The following HIBCH variants were observed in gnomAD, a reference collection of about 807,000 sequenced individuals.
HIBCH encodes 3-hydroxyisobutyryl-CoA hydrolase, mitochondrial.
HIBCH carries 50 observed loss-of-function variants against 58.2 expected under a neutral mutation model. The observed-to-expected ratio is 0.86, with a 90% confidence interval of 0.68 to 1.09. The LOEUF is 1.09. Ranked by LOEUF, HIBCH falls within the 50% of genes least tolerant of loss-of-function variation. HIBCH has a pLI of 0.00. For synonymous variants in HIBCH, 151 were observed against 146.9 expected (o/e 1.03, Z -0.20); for missense variants, 450 against 449.7 (o/e 1.00, Z -0.01).
chr2:190,191,912 T>G (rs1027061981), intron 1 of HIBCH, among the ~76,000 whole-genome samples: 1 of 152,190 alleles, frequency 6.6e-6, no homozygotes, highest in Non-Finnish European at 1.5e-5. Flanking sequence ...TTGCTGTTTT[T>G]TTTTCAATCT....
At chr2:190,273,491 G>A (rs1687460352) in intron 6 of HIBCH, among the ~76,000 whole-genome samples, 1 of 152,094 alleles carries the variant, frequency 6.6e-6, no homozygotes, top group Non-Finnish European at 1.5e-5. Flanking sequence ...GGGGATGAGA[G>A]GAGATCTACC....
downstream of HIBCH, chr2:190,199,626 T>G: frequency 1.0e-6 from 1 of 956,800 alleles, no homozygotes. Context: ...GAAAGGATTT[T>G]TACATGCCAC....
chr2:190,256,595 T>C (rs1188019815), intron 7 of HIBCH, among the ~76,000 whole-genome samples: 3 of 151,940 alleles, frequency 2.0e-5, no homozygotes, highest in Non-Finnish European at 2.9e-5. Flanking sequence ...GTTTACAATA[T>C]GTACAATTCA....
At chr2:190,257,830 C>A (rs1484117712) in intron 7 of HIBCH, among the ~76,000 whole-genome samples, 1 of 152,128 alleles carries the variant, frequency 6.6e-6, no homozygotes, top group East Asian at 1.9e-4. Context: ...GGGAACTAAC[C>A]TGCAAAAACT....
At chr2:190,267,286 C>T (rs1687269217) in intron 6 of HIBCH, among the ~76,000 whole-genome samples, 1 of 151,978 alleles carries the variant, frequency 6.6e-6, no homozygotes, top group South Asian at 2.1e-4. Flanking sequence ...CTCATTGCAA[C>T]TTCTGTGTCC....
Position 190,231,800 on chromosome 2 carries a change from G to A in HIBCH, c.891+13087C>T, listed in dbSNP as rs187520127. 2.9e-4 allele frequency among the ~76,000 whole-genome samples: 44 copies of A among 152,140 alleles called. No homozygotes were observed. In the East Asian group the frequency reaches 8.1e-3, roughly 28 times the overall value. On this transcript the variant is annotated intron_variant, in intron 11 of 13. Coordinates refer to ENST00000359678, the MANE Select transcript of HIBCH (RefSeq NM_014362.4). ...AAGGAAGAAGGAAATATGACATTAT[G>A]TATACAAATGATGAAAATTCAACCT...
In HIBCH at chr2:190,261,158, A is replaced by G. The variant is rs568457127; in HGVS notation, c.515T>C (p.Ile172Thr). The change falls in exon 7 of 14, where the codon ATA becomes ACA. Residue 172 changes from isoleucine (I) to threonine (T), a missense_variant and splice_region_variant. Transcript: ENST00000359678. ...KCLFAMPETA[I>T]GLFPDVGGGY... ...TAAAAAAAATTCTGGTTGTTTACCT[A>G]TTGCAGTTTCTGGCATAGCAAAAAG... is the stretch of plus-strand genomic sequence containing the variant. 5 of 1,610,164 alleles carry G rather than the reference A, an allele frequency of 3.1e-6. No individual in the cohort carries two copies. In the African/African-American group the frequency reaches 6.7e-5, roughly 22 times the overall value.
rs1388359562 is a variant in HIBCH at position 190,301,888 on chromosome 2, G to A, written c.79-4935C>T. ...TCTTTTATAAGAGTACTAATCCTGT[G>A]ACAGTGGGGTGCTCACGACTTACCA... On this transcript the variant is annotated intron_variant, in intron 2 of 13. Coordinates refer to ENST00000359678, the MANE Select transcript of HIBCH (RefSeq NM_014362.4). 3.9e-5 allele frequency among the ~76,000 whole-genome samples: 6 copies of A among 152,172 alleles called. No homozygotes were observed. In the South Asian group the frequency reaches 6.2e-4, roughly 16 times the overall value.
At chr2:190,257,756 A>T (rs1686967717) in intron 7 of HIBCH, among the ~76,000 whole-genome samples, 1 of 152,108 alleles carries the variant, frequency 6.6e-6, no homozygotes, top group African/African-American at 2.4e-5. Context: ...ATCCCACGGC[A>T]AAAGGCAAGG....
At chr2:190,262,831 A>C (rs1347093876) in intron 6 of HIBCH, among the ~76,000 whole-genome samples, 3 of 152,230 alleles carry the variant, frequency 2.0e-5, no homozygotes, top group Non-Finnish European at 2.9e-5. Flanking sequence ...TAAAGAAAAG[A>C]CATCAAGATT....
chr2:190,220,347 C>G (rs1685681373), intron 11 of HIBCH: 1 of 152,166 alleles, frequency 6.6e-6, no homozygotes, highest in Non-Finnish European at 1.5e-5. Flanking sequence ...ATCCTTAATT[C>G]TGGCAACCAG....
intron 6 of HIBCH, among the ~76,000 whole-genome samples, chr2:190,286,960 TAAA>T (rs1687844293): frequency 6.6e-6 from 1 of 151,632 alleles, no homozygotes; most frequent in African/African-American, 2.4e-5. Context: ...TATTAAAAGA[TAAA>T]AACACAATCA....
rs559265907 is a variant in HIBCH at position 190,254,341 on chromosome 2, A to G, written c.518-2034T>C. ...AAAGGCCACATGAGGACAGAGCAAG[A>G]AGGCAGCAGTCTATTAGCCACAGAG... is the stretch of plus-strand genomic sequence containing the variant. On this transcript the variant is annotated intron_variant, in intron 7 of 13. Coordinates refer to ENST00000359678, the MANE Select transcript of HIBCH (RefSeq NM_014362.4). The surrounding 1 kb of genome is among the most constrained non-coding windows in gnomAD (Gnocchi z 5.0). 3.3e-5 allele frequency among the ~76,000 whole-genome samples: 5 copies of G among 152,290 alleles called. No individual in the cohort carries two copies. Among genetic ancestry groups the G allele is most frequent in the African/African-American group, 9.6e-5 (4 of 41,564 alleles).
chr2:190,272,595 T>C (rs182327055), intron 6 of HIBCH, among the ~76,000 whole-genome samples: 1 of 151,310 alleles, frequency 6.6e-6, no homozygotes, highest in Admixed American at 6.6e-5. Flanking sequence ...GGTTTCATAT[T>C]ACAAATGAAA....
chr2:190,208,864 C>T lies in HIBCH; in HGVS notation c.1045+16G>A, dbSNP rs772198773. On this transcript the variant is annotated intron_variant, in intron 13 of 13. Coordinates refer to ENST00000359678, the MANE Select transcript of HIBCH (RefSeq NM_014362.4). ...TCCCATTTCCCCAAAATGGTAAGTT[C>T]CCATTTGCCACTTACCAGCTCTAAC... 73 of 1,608,734 alleles carry T rather than the reference C, an allele frequency of 4.5e-5. No individual in the cohort carries two copies. Among genetic ancestry groups the T allele is most frequent in the South Asian group, 4.3e-4 (39 of 90,916 alleles).
At chr2:190,246,911 A>C (rs576857074) in intron 9 of HIBCH, among the ~76,000 whole-genome samples, 21 of 152,138 alleles carry the variant, frequency 1.4e-4, no homozygotes, top group African/African-American at 4.8e-4. Flanking sequence ...ATTGCTTTGG[A>C]TATACTTTTC....
intron 2 of HIBCH, among the ~76,000 whole-genome samples, chr2:190,302,535 G>A (rs537853774): frequency 6.6e-6 from 1 of 152,312 alleles, no homozygotes; most frequent in South Asian, 2.1e-4. Flanking sequence ...GTCAGTTGCT[G>A]TGTCAAAACT....
chr2:190,282,296 T>C (rs2664249), intron 6 of HIBCH, among the ~76,000 whole-genome samples: 109,960 of 152,084 alleles, frequency 0.72, 40,229 homozygotes, highest in Non-Finnish European at 0.75. Context: ...AATTTAAAAA[T>C]GGGTTTATTT....
At chr2:190,273,165 G>A (rs1219226018) in intron 6 of HIBCH, among the ~76,000 whole-genome samples, 1 of 152,150 alleles carries the variant, frequency 6.6e-6, no homozygotes, top group African/African-American at 2.4e-5. Flanking sequence ...GGCTGAGGCA[G>A]GTGGATCACT....
Sources: allele counts gnomAD v4.1 joint callset (sites outside exome capture counted in the v4.1 genomes callset), GRCh38; gene constraint gnomAD v4.1.1; non-coding constraint Gnocchi (gnomAD v3.1); transcripts MANE v1.5; gene names NCBI Gene and HGNC (gene_info 2026-07-23, HGNC 2026-07-21).